HACD3: variants seen among roughly 807,000 people sequenced by gnomAD.
The protein encoded by HACD3 is very-long-chain (3R)-3-hydroxyacyl-CoA dehydratase 3.
HACD3 carries 30 observed loss-of-function variants against 55.2 expected under a neutral mutation model. The ratio of observed to expected loss-of-function variants is 0.54; its 90% CI spans 0.41 to 0.74. The LOEUF is 0.74. Among genes scored for constraint, HACD3 ranks in the 30% least tolerant of loss-of-function variants. HACD3 has a pLI of 0.00. For synonymous variants in HACD3, 141 were observed against 151.7 expected (o/e 0.93, Z 0.52); for missense variants, 363 against 440.1 (o/e 0.82, Z 1.57).
chr15:65,556,381 AAT>A (rs2072189382), intron 3 of HACD3, among the ~76,000 whole-genome samples: 2 of 152,160 alleles, frequency 1.3e-5, no homozygotes, highest in Non-Finnish European at 2.9e-5. Flanking sequence ...CACAATTCAC[AAT>A]AGAGTTCACG....
chr15:65,572,265 T>A lies in HACD3; in HGVS notation c.911T>A (p.Phe304Tyr). 1 of 1,612,992 alleles carries A rather than the reference T, an allele frequency of 6.2e-7. No homozygotes were observed. The highest frequency in any genetic ancestry group is 2.2e-5 in the East Asian group (1 of 44,864). ...TCAGTGATTCAGTCCATTCCAATAT[T>A]CAATGAGACCGGACGATTCAGTTTC... ...AVSVIQSIPI[F>Y]NETGRFSFTL... Residue 304 changes from phenylalanine (F) to tyrosine (Y), a missense_variant, in exon 10 of 11, where the codon TTC becomes TAC. By Grantham distance (22) the Phe-to-Tyr change is conservative. Coordinates refer to ENST00000261875, the MANE Select transcript of HACD3 (RefSeq NM_016395.4).
At chr15:65,544,473 A>G (rs576323754) in intron 1 of HACD3, among the ~76,000 whole-genome samples, 2 of 152,322 alleles carry the variant, frequency 1.3e-5, no homozygotes, top group East Asian at 3.9e-4. Context: ...TTGATTTTAT[A>G]CTATAGTTTT....
At chr15:65,554,439 A>G (rs2072166867) in intron 2 of HACD3, among the ~76,000 whole-genome samples, 1 of 152,094 alleles carries the variant, frequency 6.6e-6, no homozygotes, top group African/African-American at 2.4e-5. Context: ...ACCCATTAAG[A>G]TTTGTGGACT....
intron 1 of HACD3, among the ~76,000 whole-genome samples, chr15:65,539,832 AT>A (rs2072002570): frequency 2.0e-4 from 1 of 4,900 alleles, no homozygotes; most frequent in Admixed American, 0.013. Flanking sequence ...ATAATATCAA[AT>A]AAAAAGCAAG....
intron 1 of HACD3, among the ~76,000 whole-genome samples, chr15:65,544,333 C>T (rs1372974792): frequency 6.6e-6 from 1 of 151,984 alleles, no homozygotes; most frequent in Admixed American, 6.6e-5. Flanking sequence ...GGTAGATGAA[C>T]CTATACAGGT....
At position 65,573,057 on chromosome 15, in the gene HACD3, C is replaced by A. The variant is rs550881058; in HGVS notation, c.1012+691C>A. The stretch of plus-strand genomic sequence containing the variant: ...AGAGTTTATAGAGGTGATAAGACAA[C>A]CAGCAGCAAGGAAGGAAGAAGGGAA... On this transcript the variant is annotated intron_variant, in intron 10 of 10. Coordinates refer to ENST00000261875, the MANE Select transcript of HACD3 (RefSeq NM_016395.4). 6.6e-5 allele frequency among the ~76,000 whole-genome samples: 10 copies of A among 151,394 alleles called. No homozygotes were observed. In the South Asian group the frequency reaches 2.1e-3, roughly 32 times the overall value.
At chr15:65,530,748 C>T in intron 1 of HACD3, 30 bp downstream of exon 1, 1 of 1,522,540 alleles carries the variant, frequency 6.6e-7, no homozygotes, top group South Asian at 1.2e-5. Context: ...GCGGGAAGCG[C>T]GCGGGATCGC....
chr15:65,555,815 G>A (rs945547796), intron 3 of HACD3, among the ~76,000 whole-genome samples: 3 of 152,104 alleles, frequency 2.0e-5, no homozygotes, highest in African/African-American at 4.8e-5. Context: ...TTCTAAAACC[G>A]GGGTCTGCTG....
At chr15:65,572,927 A>AAAT (rs1555485128) in intron 10 of HACD3, among the ~76,000 whole-genome samples, 10 of 139,346 alleles carry the variant, frequency 7.2e-5, no homozygotes, top group African/African-American at 2.3e-4. Flanking sequence ...AAAAAAAAAA[A>AAAT]AAATAAATAA....
chr15:65,572,914 C>CAAAAAAAAAA (rs60226731), intron 10 of HACD3, among the ~76,000 whole-genome samples: 2 of 106,422 alleles, frequency 1.9e-5, no homozygotes, highest in African/African-American at 3.0e-5. Context: ...GACTTTGTCT[C>CAAAAAAAAAA]AAAAAAAAAA....
intron 1 of HACD3, among the ~76,000 whole-genome samples, chr15:65,545,833 C>A (rs1007357388): frequency 6.6e-6 from 1 of 152,172 alleles, no homozygotes; most frequent in Non-Finnish European, 1.5e-5. Context: ...CAATTTATTT[C>A]TTCTTTCCCT....
At chr15:65,535,937 G>A in intron 1 of HACD3, 1 of 432,630 alleles carries the variant, frequency 2.3e-6, no homozygotes, top group Non-Finnish European at 4.1e-6. Context: ...CAATCCTCTT[G>A]CCTTGGCCTC....
intron 5 of HACD3, among the ~76,000 whole-genome samples, chr15:65,559,333 A>G (rs2072223416): frequency 6.6e-6 from 1 of 152,092 alleles, no homozygotes; most frequent in Non-Finnish European, 1.5e-5. Flanking sequence ...CTTGACTAAG[A>G]GCCAGAGGGA....
At chr15:65,542,900 C>G (rs931539542) in intron 1 of HACD3, among the ~76,000 whole-genome samples, 3 of 151,682 alleles carry the variant, frequency 2.0e-5, no homozygotes, top group African/African-American at 7.3e-5. Flanking sequence ...ATGGGGAAAC[C>G]CTGTCTCTAC....
At chr15:65,531,540 G>GTTCT (rs1050258662) in intron 1 of HACD3, 14 of 113,204 alleles carry the variant, frequency 1.2e-4, no homozygotes, top group African/African-American at 3.8e-4. Context: ...ATTCTGGAAG[G>GTTCT]TTCTTTCTTT....
intron 2 of HACD3, among the ~76,000 whole-genome samples, chr15:65,553,658 A>C (rs1339550059): frequency 6.6e-6 from 1 of 152,236 alleles, no homozygotes; most frequent in East Asian, 1.9e-4. Context: ...ATTTACATGA[A>C]AATTAAAGTG....
Position 65,530,487 on chromosome 15 carries a change from A to G in HACD3, c.-145A>G, listed in dbSNP as rs1467328616. On this transcript the variant is annotated 5_prime_UTR_variant, in exon 1 of 11. Transcript: ENST00000261875. ...CGTCACTGCGCAGGCGCGGCCCGCG[A>G]GCGTGGGGTATCTCGAGGTGCCGGG... 6.2e-6 allele frequency: 4 copies of G among 650,076 alleles called. No individual in the cohort carries two copies. Among genetic ancestry groups the G allele is most frequent in the South Asian group, 2.7e-5 (1 of 36,692 alleles). The allele number at this position is 650,076 out of a possible 1,614,324, so 40.3% of individuals were successfully genotyped here. A position where few individuals can be genotyped will look rare whatever the true frequency, so the allele number is the denominator to read the frequency against.
chr15:65,553,109 G>A (rs934097897), intron 2 of HACD3: 8 of 152,064 alleles, frequency 5.3e-5, no homozygotes, highest in East Asian at 3.8e-4. Context: ...ACGAATTTGC[G>A]TGTCATCCTT....
At chr15:65,558,762 A>T in intron 5 of HACD3, 31 bp downstream of exon 5, 1 of 1,581,770 alleles carries the variant, frequency 6.3e-7, no homozygotes. Flanking sequence ...GGTAGTTACC[A>T]GTTAACTTGT....
Sources: gnomAD v4.1 joint callset for allele counts (sites outside exome capture counted in the v4.1 genomes callset) on GRCh38, gnomAD v4.1.1 for gene constraint, MANE v1.5 for transcripts, NCBI Gene and HGNC (gene_info 2026-07-23, HGNC 2026-07-21) for gene names.